C11orf65: variants seen among roughly 807,000 people sequenced by gnomAD.
C11orf65 encodes protein MFI.
A neutral mutation model predicts 35.3 loss-of-function variants in C11orf65; 38 were observed. The ratio of observed to expected loss-of-function variants is 1.08; its 90% CI spans 0.83 to 1.41. The LOEUF (loss-of-function observed/expected upper bound fraction) is 1.41, where lower values mean the gene tolerates loss of function less well. C11orf65 is among the 40% of genes most tolerant of loss of function. The pLI, the probability that C11orf65 is intolerant of heterozygous loss-of-function variation, is 0.00. For synonymous variants in C11orf65, 105 were observed against 114.4 expected, an observed-to-expected ratio of 0.92 and a Z score of 0.53; for missense variants, 370 against 367.1, an observed-to-expected ratio of 1.01 and a Z score of -0.06.
chr11:108,327,700 G>A (rs1479487529), downstream of C11orf65: 1 of 1,613,978 alleles, frequency 6.2e-7, no homozygotes, highest in South Asian at 1.1e-5. Context: ...TGTGGCAACT[G>A]GTTAGCAGAA....
Position 108,406,836 on chromosome 11 carries a change from T to G in C11orf65, c.356A>C (p.His119Pro), listed in dbSNP as rs1244146206. 1 of 1,612,732 alleles carries G rather than the reference T, an allele frequency of 6.2e-7. No individual in the cohort carries two copies. Among genetic ancestry groups the G allele is most frequent in the Non-Finnish European group, 8.5e-7 (1 of 1,178,964 alleles). The change falls in exon 5 of 9, where the codon CAT (histidine) becomes CCT (proline). Residue 119 changes from histidine to proline, a missense_variant. By Grantham distance (77) the His-to-Pro change is moderately conservative. Coordinates refer to ENST00000393084, the MANE Select transcript of C11orf65 (RefSeq NM_152587.5). ...GCCACTATGATCCTCTTCCTGAAGATGATCATTTTTATTATGAGATGTATG... is the reference window on the plus strand; with the variant it reads ...GCCACTATGATCCTCTTCCTGAAGAGGATCATTTTTATTATGAGATGTATG... ...AKHTSHNKND[H>P]LQEEDHSGWY...
chr11:108,448,238 T>G (rs1387442001), intron 2 of C11orf65, among the ~76,000 whole-genome samples: 1 of 152,210 alleles, frequency 6.6e-6, no homozygotes, highest in Middle Eastern at 3.2e-3. Context: ...CTTCTGAAAC[T>G]ATTCCAATCA....
intron 7 of C11orf65, among the ~76,000 whole-genome samples, chr11:108,387,148 C>CT (rs1175890979): frequency 0.03 from 2,531 of 84,340 alleles, 187 homozygotes; most frequent in African/African-American, 0.07. Context: ...TTCTTTCTTT[C>CT]TTTTTTTTTT....
In C11orf65 at chr11:108,324,037, C is replaced by T. The variant is rs529790024; in HGVS notation, c.641-14966G>A. Among the ~76,000 whole-genome samples, 59 of 127,728 alleles carry T rather than the reference C, an allele frequency of 4.6e-4. 2 individuals are homozygous for T. In the South Asian group the frequency reaches 0.016, roughly 34 times the overall value. 83.8% of individuals were successfully genotyped at this position (127,728 alleles called of 152,430 possible). A position where few individuals can be genotyped will look rare whatever the true frequency, so the allele number is the denominator to read the frequency against. On this transcript the variant is annotated intron_variant, in intron 6 of 6. Coordinates refer to the C11orf65 transcript ENST00000525729. ...GGTTTCCATCTATGGATTCAACCAA[C>T]CGCAGATCAAAAATATTTGAAAAAA...
intron 3 of C11orf65, among the ~76,000 whole-genome samples, chr11:108,408,708 TA>T (rs1286926871): frequency 1.7e-4 from 12 of 70,830 alleles, no homozygotes; most frequent in African/African-American, 4.2e-4. Flanking sequence ...TAAAATAAAA[TA>T]AAATAAAATA....
chr11:108,462,243 C>G (rs2093481618), intron 1 of C11orf65, among the ~76,000 whole-genome samples: 1 of 152,150 alleles, frequency 6.6e-6, no homozygotes, highest in South Asian at 2.1e-4. Flanking sequence ...CAGGTTCTTG[C>G]TATGTTTCCC....
At chr11:108,318,086 G>T (rs1440235655) in intron 6 of C11orf65, among the ~76,000 whole-genome samples, 1 of 152,092 alleles carries the variant, frequency 6.6e-6, no homozygotes, top group African/African-American at 2.4e-5. Context: ...ATACGGCCAG[G>T]CACGGTGGCT....
intron 6 of C11orf65, among the ~76,000 whole-genome samples, chr11:108,311,133 A>AT (rs146797282): frequency 6.6e-6 from 1 of 151,512 alleles, no homozygotes; most frequent in South Asian, 2.1e-4. Flanking sequence ...CATCCAACTC[A>AT]TTTTTTTTAA....
chr11:108,397,248 G>A (rs1362021925), intron 6 of C11orf65, among the ~76,000 whole-genome samples: 2 of 151,496 alleles, frequency 1.3e-5, no homozygotes, highest in African/African-American at 2.4e-5. Flanking sequence ...TGAACCCAGA[G>A]GCAGAGGTTG....
At chr11:108,468,601 T>A (rs1021092162), upstream of C11orf65, among the ~76,000 whole-genome samples, 5 of 152,098 alleles carry the variant, frequency 3.3e-5, no homozygotes, top group Non-Finnish European at 5.9e-5. Flanking sequence ...ACAGAAAAAA[T>A]TCTTGGTAGG....
At chr11:108,440,190 T>G (rs1429868162) in intron 2 of C11orf65, among the ~76,000 whole-genome samples, 1 of 152,182 alleles carries the variant, frequency 6.6e-6, no homozygotes, top group Admixed American at 6.5e-5. Context: ...GGGCAAATAT[T>G]GTAACTTTGC....
chr11:108,327,919 C>T (rs189982776), downstream of C11orf65, among the ~76,000 whole-genome samples: 202 of 152,188 alleles, frequency 1.3e-3, no homozygotes, highest in African/African-American at 4.6e-3. Context: ...TGGAGTGAAA[C>T]ATTGTTACAA....
chr11:108,446,813 C>A (rs1200211475), intron 2 of C11orf65, among the ~76,000 whole-genome samples: 1 of 152,134 alleles, frequency 6.6e-6, no homozygotes, highest in African/African-American at 2.4e-5. Flanking sequence ...GGGCTAAATG[C>A]TCCAATTAAA....
chr11:108,368,666 A>AT (rs1296346692), intron 2 of C11orf65: 1 of 217,222 alleles, frequency 4.6e-6, no homozygotes, highest in African/African-American at 2.2e-5. Context: ...TAGTGAAGCT[A>AT]TCAGAGAAGC....
At chr11:108,315,909 T>A (rs771945366) in intron 6 of C11orf65, 1 of 1,610,784 alleles carries the variant, frequency 6.2e-7, no homozygotes, top group South Asian at 1.1e-5. Context: ...AACCCATTAC[T>A]AGGTAAATTG....
At chr11:108,443,872 G>T (rs1406236248) in intron 2 of C11orf65, among the ~76,000 whole-genome samples, 1 of 152,106 alleles carries the variant, frequency 6.6e-6, no homozygotes, top group Non-Finnish European at 1.5e-5. Flanking sequence ...AAGCAGGAAA[G>T]ATCTACAATT....
At chr11:108,357,941 T>C (rs1242669632) in intron 2 of C11orf65, among the ~76,000 whole-genome samples, 1 of 150,660 alleles carries the variant, frequency 6.6e-6, no homozygotes, top group Non-Finnish European at 1.5e-5. Flanking sequence ...CAAAGCTGGA[T>C]GGAGAATGAC....
At chr11:108,423,901 C>T (rs1039706005) in intron 3 of C11orf65, among the ~76,000 whole-genome samples, 6 of 152,230 alleles carry the variant, frequency 3.9e-5, no homozygotes, top group South Asian at 4.2e-4. Flanking sequence ...CCCCATTCGA[C>T]GGTCACCAAC....
At chr11:108,314,850 A>G (rs910710285) in intron 6 of C11orf65, among the ~76,000 whole-genome samples, 2 of 152,374 alleles carry the variant, frequency 1.3e-5, no homozygotes, top group Non-Finnish European at 2.9e-5. Flanking sequence ...ATGCATTTAC[A>G]GAACTGTACT....
Sources: allele counts gnomAD v4.1 joint callset (sites outside exome capture counted in the v4.1 genomes callset), GRCh38; gene constraint gnomAD v4.1.1; transcripts MANE v1.5; gene names NCBI Gene and HGNC (gene_info 2026-07-23, HGNC 2026-07-21).